Variants in GADL1 observed in about 807,000 individuals in gnomAD.
GADL1 encodes the protein GAD like acidic amino acid decarboxylase 1, also known as acidic amino acid decarboxylase GADL1.
Under a neutral mutation model 69.5 loss-of-function variants are expected in GADL1, and 71 were observed. The observed-to-expected ratio is 1.02, with a 90% CI of 0.84 to 1.25. GADL1 has a LOEUF of 1.25. Ranked by LOEUF, GADL1 falls within the 50% of genes most tolerant of loss-of-function variation. The pLI, the probability that GADL1 is intolerant of heterozygous loss-of-function variation, is 0.00. For synonymous variants in GADL1, 254 were observed against 214.4 expected, an observed-to-expected ratio of 1.18 and a Z score of -1.62; for missense variants, 737 against 631.8, an observed-to-expected ratio of 1.17 and a Z score of -1.79.
intron 1 of GADL1, among the ~76,000 whole-genome samples, chr3:30,874,660 T>C (rs1234952874): frequency 6.6e-6 from 1 of 151,978 alleles, no homozygotes; most frequent in Non-Finnish European, 1.5e-5. Flanking sequence ...CCACCACTCG[T>C]AAGCATCTAG....
At position 30,876,463 on chromosome 3, in the gene GADL1, G is replaced by T. The variant is rs144619147; in HGVS notation, c.38-14698C>A. On this transcript the variant is annotated intron_variant, in intron 1 of 14. Coordinates refer to ENST00000282538, the MANE Select transcript of GADL1 (RefSeq NM_207359.3). ...AATTTCAGGGCCAATTTTAAAACTG[G>T]CTCACAACATTTCTGAATATTTAAC... Among the ~76,000 whole-genome samples the T allele has an allele frequency of 5.5e-3, 842 of 152,114 alleles. 2 individuals carry two copies. The highest frequency in any genetic ancestry group is 9.2e-3 in the Non-Finnish European group (625 of 67,924).
At chr3:30,882,239 T>C (rs983210158) in intron 1 of GADL1, among the ~76,000 whole-genome samples, 2 of 152,072 alleles carry the variant, frequency 1.3e-5, no homozygotes, top group Admixed American at 1.3e-4. Flanking sequence ...ATTCACATTG[T>C]TTATTTGGAC....
chr3:30,767,318 G>A (rs1051102601), intron 14 of GADL1, among the ~76,000 whole-genome samples: 1 of 152,092 alleles, frequency 6.6e-6, no homozygotes, highest in African/African-American at 2.4e-5. Context: ...ATTAAAGAAT[G>A]CTATTTTACA....
intron 14 of GADL1, among the ~76,000 whole-genome samples, chr3:30,761,233 C>T (rs1048227893): frequency 1.3e-5 from 2 of 151,758 alleles, no homozygotes; most frequent in East Asian, 3.9e-4. Context: ...GATGTTCTAT[C>T]GTGGATAGCA....
At chr3:30,761,781 T>C (rs143765799) in intron 14 of GADL1, among the ~76,000 whole-genome samples, 1 of 152,286 alleles carries the variant, frequency 6.6e-6, no homozygotes, top group Non-Finnish European at 1.5e-5. Flanking sequence ...ACCTTATCAC[T>C]AGAGCATCCC....
At chr3:30,781,948 AAC>A in intron 13 of GADL1, among the ~76,000 whole-genome samples, 1 of 152,286 alleles carries the variant, frequency 6.6e-6, no homozygotes, top group Non-Finnish European at 1.5e-5. Flanking sequence ...TTTGAAGGGA[AAC>A]ATTAAGAAAT....
intron 14 of GADL1, among the ~76,000 whole-genome samples, chr3:30,755,756 A>G (rs1163163678): frequency 3.3e-5 from 5 of 152,222 alleles, no homozygotes; most frequent in Admixed American, 6.5e-5. Context: ...CGAATGAATG[A>G]AACAAAAGGC....
intron 2 of GADL1, 60 bp from the exon 3 acceptor site, chr3:30,857,201 TTACAAACGTGGACTCTACCATTACAAAGC>T: frequency 6.9e-7 from 1 of 1,452,910 alleles, no homozygotes; most frequent in Non-Finnish European, 9.4e-7. Context: ...TGAGAGGATG[TTACAAACGTGGACTCTACCATTACAAAGC>T]TTCTGGGCAG....
intron 1 of GADL1, among the ~76,000 whole-genome samples, chr3:30,870,657 A>G (rs1452228312): frequency 6.6e-6 from 1 of 151,720 alleles, no homozygotes; most frequent in Non-Finnish European, 1.5e-5. Context: ...TTAGGTCACA[A>G]CTGTAGAAGT....
At chr3:30,879,909 T>C (rs991801142) in intron 1 of GADL1, among the ~76,000 whole-genome samples, 1 of 151,916 alleles carries the variant, frequency 6.6e-6, no homozygotes, top group African/African-American at 2.4e-5. Flanking sequence ...GATAAAATTA[T>C]TGTTTTGCTT....
intron 12 of GADL1, among the ~76,000 whole-genome samples, chr3:30,787,970 T>C (rs757955475): frequency 2.0e-5 from 3 of 152,188 alleles, no homozygotes; most frequent in Non-Finnish European, 4.4e-5. Context: ...ATTATCTATA[T>C]GCAATTGTAT....
chr3:30,757,779 T>C (rs1367561257), intron 14 of GADL1, among the ~76,000 whole-genome samples: 1 of 147,130 alleles, frequency 6.8e-6, no homozygotes, highest in African/African-American at 2.7e-5. Context: ...TTTAAACAGT[T>C]CTAGTCCGTA....
intron 4 of GADL1, among the ~76,000 whole-genome samples, chr3:30,851,299 T>G (rs937642926): frequency 1.4e-4 from 21 of 152,180 alleles, no homozygotes; most frequent in African/African-American, 5.1e-4. Context: ...ATGCTGTTGA[T>G]GGTCAAAGAA....
At chr3:30,812,848 T>C (rs983879601) in intron 11 of GADL1, among the ~76,000 whole-genome samples, 2 of 151,848 alleles carry the variant, frequency 1.3e-5, no homozygotes, top group African/African-American at 4.8e-5. Context: ...GCCTACAATA[T>C]GGTAGGATTG....
In GADL1 at chr3:30,839,219, T is replaced by A. The variant is rs182632192; in HGVS notation, c.787-106A>T. The A allele has an allele frequency of 4.1e-5, 27 of 658,918 alleles. No individual in the cohort carries two copies. The Middle Eastern group carries it at 7.8e-4, about 19-fold the overall frequency. 40.8% of individuals were successfully genotyped at this position (658,918 alleles called of 1,614,324 possible). The stretch of plus-strand genomic sequence containing the variant: ...TATGCATCCAGAGAGTTATTTGGGT[T>A]TTTTGGAGGTAGTCATTAATTCAAT... On this transcript the variant is annotated intron_variant, in intron 8 of 14. Coordinates refer to ENST00000282538, the MANE Select transcript of GADL1 (RefSeq NM_207359.3).
At chr3:30,866,782 G>A (rs1361375551) in intron 1 of GADL1, among the ~76,000 whole-genome samples, 5 of 152,036 alleles carry the variant, frequency 3.3e-5, no homozygotes, top group Admixed American at 6.6e-5. Flanking sequence ...GTGTTTACCT[G>A]TGTAGAGGTT....
Position 30,814,551 on chromosome 3 carries a change from T to C in GADL1, c.1051-13463A>G, listed in dbSNP as rs114451736. ...GAGGATATTTAAATGAGCATGCCTG[T>C]GTTCTACTAAAACTTTATAAGAACA... On this transcript the variant is annotated intron_variant, in intron 11 of 14. Transcript: ENST00000282538. Among the ~76,000 whole-genome samples the C allele has an allele frequency of 2.8e-3, 431 of 152,280 alleles. 6 individuals carry two copies. Among genetic ancestry groups the C allele is most frequent in the Non-Finnish European group, 3.3e-3 (225 of 68,002 alleles).
chr3:30,739,082 G>A (rs572404459), intron 14 of GADL1, among the ~76,000 whole-genome samples: 7 of 152,342 alleles, frequency 4.6e-5, no homozygotes, highest in African/African-American at 2.4e-5. Context: ...CGGCCCCAGT[G>A]TTGGCACAGC....
At position 30,876,454 on chromosome 3, in the gene GADL1, T is replaced by G. The variant is rs1021183455; in HGVS notation, c.38-14689A>C. On this transcript the variant is annotated intron_variant, in intron 1 of 14. Transcript: ENST00000282538. ...ATCATGGCTAATTTCAGGGCCAATT[T>G]TAAAACTGGCTCACAACATTTCTGA... Among the ~76,000 whole-genome samples, 8 of 152,036 alleles carry G rather than the reference T, an allele frequency of 5.3e-5. No individual in the cohort carries two copies. In the East Asian group the frequency reaches 1.6e-3, roughly 29 times the overall value.
Sources: allele counts gnomAD v4.1 joint callset (sites outside exome capture counted in the v4.1 genomes callset), GRCh38; gene constraint gnomAD v4.1.1; transcripts MANE v1.5; gene names NCBI Gene and HGNC (gene_info 2026-07-23, HGNC 2026-07-21).